Variants in CCN3 observed in about 807,000 individuals in gnomAD.
CCN3 encodes CCN family member 3.
In CCN3, 20 loss-of-function variants were observed where a neutral mutation model predicts 33.4. That is an observed-to-expected ratio of 0.60 (90% CI 0.42 to 0.87). The LOEUF is 0.87. Ranked by LOEUF, CCN3 falls within the 40% of genes least tolerant of loss-of-function variation. The pLI is 0.00. For missense variants in CCN3, 465 were observed against 455.3 expected (o/e 1.02, Z -0.19); for synonymous variants, 205 against 170.4 (o/e 1.20, Z -1.58).
Position 119,416,780 on chromosome 8 carries a change from G to T in CCN3, c.121G>T (p.Gly41Cys). The change falls in exon 2 of 5, where the codon GGC becomes TGC. Residue 41 changes from glycine (G) to cysteine (C), a missense_variant. Physicochemically the swap from Gly to Cys is radical, Grantham distance 159. Coordinates refer to ENST00000259526, the MANE Select transcript of CCN3 (RefSeq NM_002514.4). The part of the protein sequence containing the change: ...ATQRCPPQCP[G>C]RCPATPPTCA... Reference sequence around the variant, plus strand: ...TCAGCGCTGCCCTCCCCAGTGCCCGGGCCGGTGCCCTGCGACGCCGCCGAC... The same window carrying T: ...TCAGCGCTGCCCTCCCCAGTGCCCGTGCCGGTGCCCTGCGACGCCGCCGAC... 1 of 1,596,904 alleles carries T rather than the reference G, an allele frequency of 6.3e-7. No homozygotes were observed. Among genetic ancestry groups the T allele is most frequent in the Non-Finnish European group, 8.5e-7 (1 of 1,171,826 alleles).
Position 119,416,816 on chromosome 8 carries a change from G to T in CCN3, c.157G>T (p.Gly53Trp). 1 of 1,608,618 alleles carries T rather than the reference G, an allele frequency of 6.2e-7. No homozygotes were observed. The highest frequency in any genetic ancestry group is 2.2e-5 in the East Asian group (1 of 44,648). ...CPATPPTCAPGVRAVLDGCSC... is the reference protein window; with the variant it reads ...CPATPPTCAPWVRAVLDGCSC... ...TGCGACGCCGCCGACCTGCGCCCCCGGGGTGCGCGCGGTGCTGGACGGCTG... is the reference window on the plus strand; with the variant it reads ...TGCGACGCCGCCGACCTGCGCCCCCTGGGTGCGCGCGGTGCTGGACGGCTG... Residue 53 changes from glycine to tryptophan, a missense_variant, in exon 2 of 5, where the codon GGG becomes TGG. Gly to Trp is a radical substitution (Grantham distance 184, BLOSUM62 -2). Transcript: ENST00000259526.
chr8:119,416,727 G>A lies in CCN3; in HGVS notation c.85-17G>A. 1 of 1,579,550 alleles carries A rather than the reference G, an allele frequency of 6.3e-7. No homozygotes were observed. ...TGTCCCAGCTGAGTGGTTTCTCCTTGTCTCGCCTGCCTTCAGGTCGCTGCG... is the reference window on the plus strand; with the variant it reads ...TGTCCCAGCTGAGTGGTTTCTCCTTATCTCGCCTGCCTTCAGGTCGCTGCG... On this transcript the variant is annotated splice_polypyrimidine_tract_variant and intron_variant, in intron 1 of 4. Coordinates refer to ENST00000259526, the MANE Select transcript of CCN3 (RefSeq NM_002514.4).
intron 4 of CCN3, among the ~76,000 whole-genome samples, chr8:119,421,260 C>T (rs1341323035): frequency 1.3e-5 from 2 of 152,066 alleles, no homozygotes; most frequent in African/African-American, 2.4e-5. Context: ...CTGCCCGCCT[C>T]GGCCTCCCAA....
chr8:119,418,059 G>C lies in CCN3; in HGVS notation c.312G>C (p.Ala104=). 10 of 1,609,892 alleles carry C rather than the reference G, an allele frequency of 6.2e-6. No homozygotes were observed. The highest frequency in any genetic ancestry group is 8.5e-6 in the Non-Finnish European group (10 of 1,176,448). ...CACTTTGCTTCCCCAATATTCTAGC[G>C]GTAGAGGGAGATAACTGTGTGTTCG... ...DPSNQTGICT[A]VEGDNCVFDG... is the part of the protein sequence containing the mutation. The change falls in exon 3 of 5, where the codon GCG becomes GCC. Residue 104 remains alanine (A), a splice_region_variant and synonymous_variant. Coordinates refer to ENST00000259526, the MANE Select transcript of CCN3 (RefSeq NM_002514.4).
Position 119,423,040 on chromosome 8 carries a change from AT to A in CCN3, c.984del (p.Ile328MetfsTer23). 6.2e-7 allele frequency: 1 copy of A among 1,614,154 alleles called. No individual in the cohort carries two copies. The stretch of plus-strand genomic sequence containing the variant: ...AATAGTCAAGAAGCCAGTGATGGTC[AT>A]TGGGACCTGCACCTGTCACACCAAC... ...GQIVKKPVMV[I>X]GTCTCHTNCP... On this transcript the variant is annotated frameshift_variant, in exon 5 of 5. Transcript: ENST00000259526. LOFTEE classifies it high-confidence loss of function.
intron 1 of CCN3, 32 bp downstream of exon 1, chr8:119,416,648 T>G: frequency 1.2e-6 from 2 of 1,607,190 alleles, no homozygotes; most frequent in Non-Finnish European, 1.7e-6. Context: ...TGCCCCCAAG[T>G]TACTTTGCCC....
Position 119,424,108 on chromosome 8 carries a change from A to C in CCN3, c.*976A>C, listed in dbSNP as rs1235240231. The C allele has an allele frequency of 1.3e-5, 2 of 152,210 alleles. No individual in the cohort carries two copies. The highest frequency in any genetic ancestry group is 4.8e-5 in the African/African-American group (2 of 41,452). The allele number at this position is 152,210 out of a possible 1,614,324, so 9.4% of individuals were successfully genotyped here. On this transcript the variant is annotated 3_prime_UTR_variant, in exon 5 of 5. Transcript: ENST00000259526. Reference sequence around the variant, plus strand: ...TTTGGAATTATTGTAGACATGCCCAAAACTTATCCTTGGGCCATAATTATG... The same window carrying C: ...TTTGGAATTATTGTAGACATGCCCACAACTTATCCTTGGGCCATAATTATG...
Position 119,416,458 on chromosome 8 carries a change from A to G in CCN3, c.-75A>G, listed in dbSNP as rs981204628. 1.4e-6 allele frequency: 2 copies of G among 1,414,756 alleles called. No individual in the cohort carries two copies. Among genetic ancestry groups the G allele is most frequent in the African/African-American group, 2.8e-5 (2 of 71,324 alleles). 87.6% of individuals were successfully genotyped at this position (1,414,756 alleles called of 1,614,324 possible). The stretch of plus-strand genomic sequence containing the variant: ...GGGCGTGATCGGCAAGCACCGGACC[A>G]GGGGGAAGGCGAGCAGTGCCAATCT... On this transcript the variant is annotated 5_prime_UTR_variant, in exon 1 of 5. Transcript: ENST00000259526.
intron 4 of CCN3, among the ~76,000 whole-genome samples, chr8:119,422,245 A>T (rs934889473): frequency 5.9e-5 from 9 of 152,152 alleles, no homozygotes; most frequent in Admixed American, 2.6e-4. Context: ...AAACCATCAG[A>T]TCTTGTGAGA....
chr8:119,423,456 C>T lies in CCN3; in HGVS notation c.*324C>T, dbSNP rs2130459616. The T allele has an allele frequency of 4.4e-6, 1 of 224,982 alleles. No homozygotes were observed. Among genetic ancestry groups the T allele is most frequent in the Non-Finnish European group, 8.9e-6 (1 of 112,416 alleles). 13.9% of individuals were successfully genotyped at this position (224,982 alleles called of 1,614,324 possible). A position where few individuals can be genotyped will look rare whatever the true frequency, so the allele number is the denominator to read the frequency against. Reference sequence around the variant, plus strand: ...GTAGACTGTTTCACATTGCACTCATCATATTTTGTTGTGCACTAGTGCAAT... The same window carrying T: ...GTAGACTGTTTCACATTGCACTCATTATATTTTGTTGTGCACTAGTGCAAT... On this transcript the variant is annotated 3_prime_UTR_variant, in exon 5 of 5. Transcript: ENST00000259526.
At chr8:119,418,869 G>A (rs1242370977) in intron 3 of CCN3, among the ~76,000 whole-genome samples, 1 of 152,094 alleles carries the variant, frequency 6.6e-6, no homozygotes, top group Admixed American at 6.5e-5. Context: ...GACAATAGAG[G>A]ATTATTTTAG....
intron 4 of CCN3, among the ~76,000 whole-genome samples, chr8:119,422,254 G>A (rs1820135389): frequency 6.6e-6 from 1 of 152,132 alleles, no homozygotes; most frequent in Non-Finnish European, 1.5e-5. Flanking sequence ...GATCTTGTGA[G>A]AACTCACTAT....
At chr8:119,418,340 A>G (rs776170733) in intron 3 of CCN3, 31 bp downstream of exon 3, 10 of 1,608,886 alleles carry the variant, frequency 6.2e-6, no homozygotes, top group Non-Finnish European at 8.5e-6. Context: ...AGGGCTGGTC[A>G]TAGTAGAGGG....
Position 119,423,842 on chromosome 8 carries a change from TG to T in CCN3, c.*712del, listed in dbSNP as rs774939690. The T allele has an allele frequency of 2.0e-5, 3 of 152,224 alleles. No homozygotes were observed. The highest frequency in any genetic ancestry group is 2.9e-5 in the Non-Finnish European group (2 of 68,040). The allele number at this position is 152,224 out of a possible 1,614,324, so 9.4% of individuals were successfully genotyped here. A position where few individuals can be genotyped will look rare whatever the true frequency, so the allele number is the denominator to read the frequency against. On this transcript the variant is annotated 3_prime_UTR_variant, in exon 5 of 5. Coordinates refer to ENST00000259526, the MANE Select transcript of CCN3 (RefSeq NM_002514.4). ...AGAAAACTCCCAATACAAAGATGACTGGTCCCTCATAGCCCTCAGACATTTA... is the reference window on the plus strand; with the variant it reads ...AGAAAACTCCCAATACAAAGATGACTGTCCCTCATAGCCCTCAGACATTTA...
intron 1 of CCN3, 61 bp downstream of exon 1, chr8:119,416,677 T>C: frequency 1.3e-6 from 2 of 1,587,462 alleles, no homozygotes; most frequent in Non-Finnish European, 1.7e-6. Context: ...GGCCCCCATT[T>C]GGTCACCGGG....
chr8:119,418,326 A>G lies in CCN3; in HGVS notation c.562+17A>G. On this transcript the variant is annotated intron_variant, in intron 3 of 4. Coordinates refer to ENST00000259526, the MANE Select transcript of CCN3 (RefSeq NM_002514.4). ...CCCTTGCAGGTGAGAAACTCAATAT[A>G]CCTAGGGCTGGTCATAGTAGAGGGT... 1 of 1,612,864 alleles carries G rather than the reference A, an allele frequency of 6.2e-7. No homozygotes were observed. The highest frequency in any genetic ancestry group is 1.1e-5 in the South Asian group (1 of 91,024).
intron 2 of CCN3, 127 bp downstream of exon 2, chr8:119,417,096 T>G: frequency 1.2e-6 from 1 of 802,876 alleles, no homozygotes; most frequent in South Asian, 1.8e-5. Context: ...ATAAATGACA[T>G]GTATAGAGCA....
intron 1 of CCN3, 42 bp downstream of exon 1, chr8:119,416,658 C>T (rs766494360): frequency 1.3e-6 from 2 of 1,599,548 alleles, no homozygotes; most frequent in African/African-American, 1.3e-5. Context: ...TTACTTTGCC[C>T]GCCTTGGTGG....
chr8:119,417,393 T>C (rs1199782295), intron 2 of CCN3, among the ~76,000 whole-genome samples: 2 of 152,210 alleles, frequency 1.3e-5, no homozygotes, highest in Non-Finnish European at 2.9e-5. Context: ...ACACCTGTAA[T>C]TGTCCCATTT....
Sources: allele counts gnomAD v4.1 joint callset (sites outside exome capture counted in the v4.1 genomes callset), GRCh38; gene constraint gnomAD v4.1.1; transcripts MANE v1.5; gene names NCBI Gene and HGNC (gene_info 2026-07-23, HGNC 2026-07-21).